Variants in CIT observed in about 807,000 individuals in gnomAD.
The protein encoded by CIT is citron rho-interacting serine/threonine kinase.
A neutral mutation model predicts 272.7 loss-of-function variants in CIT; 79 were observed. The ratio of observed to expected loss-of-function variants is 0.29; its 90% CI spans 0.24 to 0.35. The LOEUF (loss-of-function observed/expected upper bound fraction) is 0.35, where lower values mean the gene tolerates loss of function less well. Among genes scored for constraint, CIT ranks in the 10% least tolerant of loss-of-function variants. The probability of loss-of-function intolerance (pLI) is 1.00; values close to 1 mark genes in which losing one functional copy is unlikely to be tolerated. For synonymous variants in CIT, 948 were observed against 995.6 expected (o/e 0.95, Z 0.90); for missense variants, 1,909 against 2,618.3 (o/e 0.73, Z 5.91).
chr12:119,686,988 CAG>C lies in CIT; in HGVS notation c.*1242_*1243del, dbSNP rs1955617464. ...AGAACCGCGCTGGATTGGGTGTGAA[CAG>C]AGTCATCCTCTGCAGGCAGGGAAGT... is the stretch of plus-strand genomic sequence containing the variant. On this transcript the variant is annotated 3_prime_UTR_variant, in exon 48 of 48. Coordinates refer to ENST00000392521, the MANE Select transcript of CIT (RefSeq NM_001206999.2). The C allele has an allele frequency of 6.5e-6, 1 of 152,880 alleles. No homozygotes were observed. Among genetic ancestry groups the C allele is most frequent in the African/African-American group, 2.4e-5 (1 of 41,570 alleles). 9.5% of individuals were successfully genotyped at this position (152,880 alleles called of 1,614,324 possible).
At chr12:119,714,160 C>G (rs758622742) in intron 33 of CIT, 37 bp downstream of exon 33, 1 of 1,608,516 alleles carries the variant, frequency 6.2e-7, no homozygotes, top group Admixed American at 1.7e-5. Flanking sequence ...TGGAGATGCA[C>G]AGGTGCCCAG....
At chr12:119,832,938 T>C (rs1566103950) in intron 6 of CIT, 74 bp from the exon 7 acceptor site, 7 of 1,076,466 alleles carry the variant, frequency 6.5e-6, no homozygotes, top group East Asian at 4.8e-5. Context: ...AGAATCTCAA[T>C]TGAGCCAAAA....
intron 44 of CIT, among the ~76,000 whole-genome samples, chr12:119,698,814 TGG>T (rs1367421603): frequency 6.6e-6 from 1 of 152,160 alleles, no homozygotes; most frequent in Non-Finnish European, 1.5e-5. Flanking sequence ...CATAAAGTAC[TGG>T]AAGGACAAGA....
At position 119,709,644 on chromosome 12, in the gene CIT, CACAG is replaced by C. The variant is rs142158512; in HGVS notation, c.5071+603_5071+606del. On this transcript the variant is annotated intron_variant, in intron 39 of 47. Coordinates refer to ENST00000392521, the MANE Select transcript of CIT (RefSeq NM_001206999.2). ...TCCCCTTTAAAAATAATGTCACTAA[CACAG>C]ACAGAGAGAAATAAACTGTACCCTG... Among the ~76,000 whole-genome samples the C allele has an allele frequency of 5.7e-4, 86 of 152,138 alleles. 1 individual carries two copies. The East Asian group carries it at 0.014, about 26-fold the overall frequency.
At position 119,819,674 on chromosome 12, in the gene CIT, A is replaced by G. The variant is rs566544919; in HGVS notation, c.1111+3146T>C. Among the ~76,000 whole-genome samples, 5 of 152,346 alleles carry G rather than the reference A, an allele frequency of 3.3e-5. No individual in the cohort carries two copies. In the East Asian group the frequency reaches 7.7e-4, roughly 23 times the overall value. ...AGGCAGAAATATTCGACAGCCTGGA[A>G]CCACCAGGCATTTAAGCAGCATCCA... is the stretch of plus-strand genomic sequence containing the variant. On this transcript the variant is annotated intron_variant, in intron 9 of 47. Transcript: ENST00000392521.
At chr12:119,814,404 CT>C (rs975794345) in intron 9 of CIT, among the ~76,000 whole-genome samples, 7 of 152,108 alleles carry the variant, frequency 4.6e-5, no homozygotes, top group Non-Finnish European at 8.8e-5. Flanking sequence ...TTCATTATTC[CT>C]TTTTTGTTTT....
At chr12:119,813,339 C>A (rs1227628412) in intron 9 of CIT, among the ~76,000 whole-genome samples, 1 of 152,108 alleles carries the variant, frequency 6.6e-6, no homozygotes, top group Admixed American at 6.5e-5. Flanking sequence ...AGTGAGACAC[C>A]AGAAATCATT....
chr12:119,770,958 G>A lies in CIT; in HGVS notation c.2083-48C>T, dbSNP rs773856480. On this transcript the variant is annotated intron_variant, in intron 17 of 47. Coordinates refer to ENST00000392521, the MANE Select transcript of CIT (RefSeq NM_001206999.2). This position sits in a 1 kb window ranked among gnomAD's most constrained non-coding sequence, Gnocchi z 4.4. ...AGAGTTTTAATGGAGTAACCGCTAT[G>A]GGCATAACACCTGCACCGAGGGAAA... 43 of 1,606,776 alleles carry A rather than the reference G, an allele frequency of 2.7e-5. No individual in the cohort carries two copies. The highest frequency in any genetic ancestry group is 3.5e-5 in the Non-Finnish European group (41 of 1,176,786).
At chr12:119,814,881 C>CA (rs1566081706) in intron 9 of CIT, among the ~76,000 whole-genome samples, 2 of 151,642 alleles carry the variant, frequency 1.3e-5, no homozygotes, top group Admixed American at 1.3e-4. Flanking sequence ...ACTAAAAATA[C>CA]AAAAAAATTA....
chr12:119,700,736 C>T lies in CIT; in HGVS notation c.5623+9G>A, dbSNP rs11610278. The T allele has an allele frequency of 8.8e-3, 14,199 of 1,608,808 alleles. 85 individuals carry two copies. Among genetic ancestry groups the T allele is most frequent in the Non-Finnish European group, 0.01 (12,210 of 1,175,490 alleles). On this transcript the variant is annotated intron_variant, in intron 44 of 47. Transcript: ENST00000392521. ...CAAAAGAGAAGCCCCCACACTGAGCCTCACGTACCAAAGGCCAAAGGTAAG... is the reference window on the plus strand; with the variant it reads ...CAAAAGAGAAGCCCCCACACTGAGCTTCACGTACCAAAGGCCAAAGGTAAG...
intron 14 of CIT, 46 bp from the exon 15 acceptor site, chr12:119,776,454 A>C (rs1474983660): frequency 6.5e-7 from 1 of 1,543,442 alleles, no homozygotes; most frequent in Non-Finnish European, 8.9e-7. Context: ...CAACAACCTA[A>C]AAAAGTCGTG....
At chr12:119,802,838 G>A (rs1966311381) in intron 10 of CIT, among the ~76,000 whole-genome samples, 1 of 152,148 alleles carries the variant, frequency 6.6e-6, no homozygotes, top group Non-Finnish European at 1.5e-5. Context: ...TACATAGATG[G>A]TTAGATAGAT....
At position 119,857,690 on chromosome 12, in the gene CIT, T is replaced by A; in HGVS notation, c.247A>T (p.Thr83Ser). The A allele has an allele frequency of 6.2e-7, 1 of 1,613,352 alleles. No homozygotes were observed. The highest frequency in any genetic ancestry group is 8.5e-7 in the Non-Finnish European group (1 of 1,179,646). The part of the protein sequence containing the change: ...VSNFVRKYSD[T>S]IAELQELQPS... ...TGGAGCTCCTGTAACTCAGCTATGG[T>A]GTCGGAATCTGCAAAAGATGCAAGA... Residue 83 changes from threonine (T) to serine (S), a missense_variant, in exon 4 of 48, where the codon ACC becomes TCC. Thr to Ser is a moderately conservative substitution (Grantham distance 58). Transcript: ENST00000392521.
At chr12:119,827,216 T>C (rs960636173) in intron 7 of CIT, among the ~76,000 whole-genome samples, 2 of 152,040 alleles carry the variant, frequency 1.3e-5, no homozygotes, top group African/African-American at 4.8e-5. Flanking sequence ...CTTGGCTTGA[T>C]AGACAGAAGG....
chr12:119,756,222 G>A (rs1469308867), intron 22 of CIT, among the ~76,000 whole-genome samples: 1 of 152,190 alleles, frequency 6.6e-6, no homozygotes, highest in African/African-American at 2.4e-5. Flanking sequence ...AGGGCCTGGG[G>A]TCTAAGTTGT....
chr12:119,835,405 T>TCC (rs573836558), intron 5 of CIT, among the ~76,000 whole-genome samples: 1 of 151,714 alleles, frequency 6.6e-6, no homozygotes, highest in Admixed American at 6.6e-5. Context: ...TTCCCTTTCT[T>TCC]CCCCCCCACT....
chr12:119,689,615 A>G lies in CIT; in HGVS notation c.6186+536T>C, dbSNP rs1420780990. ...CTATTATATTTTGAGTTACATGCAT[A>G]CATATTTTCCTTTTCAATTACACAC... On this transcript the variant is annotated intron_variant, in intron 47 of 47. Coordinates refer to ENST00000392521, the MANE Select transcript of CIT (RefSeq NM_001206999.2). Among the ~76,000 whole-genome samples the G allele has an allele frequency of 2.0e-5, 3 of 149,210 alleles. No individual in the cohort carries two copies. In the East Asian group the frequency reaches 5.8e-4, roughly 29 times the overall value.
intron 10 of CIT, among the ~76,000 whole-genome samples, chr12:119,797,846 C>G (rs563207860): frequency 6.6e-6 from 1 of 152,050 alleles, no homozygotes; most frequent in African/African-American, 2.4e-5. Flanking sequence ...GGGAGGCAAA[C>G]AAAAGTACAA....
intron 20 of CIT, among the ~76,000 whole-genome samples, 164 bp downstream of exon 20, chr12:119,760,775 T>C (rs1961682361): frequency 6.6e-6 from 1 of 152,138 alleles, no homozygotes; most frequent in Non-Finnish European, 1.5e-5. Flanking sequence ...TCAGTTGCTT[T>C]TAGGAAAGGA....
Sources: gnomAD v4.1 joint callset for allele counts (sites outside exome capture counted in the v4.1 genomes callset) on GRCh38, gnomAD v4.1.1 for gene constraint, Gnocchi (gnomAD v3.1) non-coding constraint, MANE v1.5 for transcripts, NCBI Gene and HGNC (gene_info 2026-07-23, HGNC 2026-07-21) for gene names.